Variants in ABCA12 observed in about 807,000 individuals in gnomAD.
ABCA12 encodes ATP binding cassette subfamily A member 12.
ABCA12 carries 156 observed loss-of-function variants against 293.5 expected under a neutral mutation model. That is an observed-to-expected ratio of 0.53 (90% CI 0.47 to 0.61). The LOEUF is 0.61. Among genes scored for constraint, ABCA12 ranks in the 20% least tolerant of loss-of-function variants. The probability of loss-of-function intolerance (pLI) is 0.00; values close to 1 mark genes in which losing one functional copy is unlikely to be tolerated. For missense variants in ABCA12, 2,797 were observed against 3,090.2 expected (o/e 0.91, Z 2.25); for synonymous variants, 1,063 against 1,108.0 (o/e 0.96, Z 0.81).
chr2:215,061,124 A>T (rs1458734632), intron 3 of ABCA12, among the ~76,000 whole-genome samples: 1 of 152,092 alleles, frequency 6.6e-6, no homozygotes, highest in Non-Finnish European at 1.5e-5. Flanking sequence ...AAAGGGTAAG[A>T]TCTGTGATGT....
At chr2:215,091,772 C>T (rs1313925736) in intron 2 of ABCA12, among the ~76,000 whole-genome samples, 2 of 152,200 alleles carry the variant, frequency 1.3e-5, no homozygotes, top group South Asian at 2.1e-4. Flanking sequence ...GAGAGAAACC[C>T]CAGCCATATC....
chr2:215,007,619 A>G, intron 19 of ABCA12, 108 bp downstream of exon 19: 1 of 1,392,346 alleles, frequency 7.2e-7, no homozygotes, highest in East Asian at 2.3e-5. Flanking sequence ...AGGCAATTTA[A>G]TCTGTTGAAT....
chr2:214,979,092 G>T (rs759710623), intron 31 of ABCA12, 52 bp from the exon 32 acceptor site: 1 of 1,509,662 alleles, frequency 6.6e-7, no homozygotes, highest in Non-Finnish European at 9.2e-7. Context: ...ACACTATAGT[G>T]CTCCAGGCCC....
chr2:215,106,828 G>A (rs1702472667), intron 2 of ABCA12, among the ~76,000 whole-genome samples: 1 of 152,002 alleles, frequency 6.6e-6, no homozygotes, highest in African/African-American at 2.4e-5. Context: ...ATCTGGATGG[G>A]TGCTATTTAG....
intron 1 of ABCA12, among the ~76,000 whole-genome samples, chr2:215,134,599 C>CTCTATATATA (rs1278151109): frequency 2.3e-5 from 2 of 85,252 alleles, no homozygotes; most frequent in African/African-American, 1.5e-4. Flanking sequence ...CTCTCTCTCT[C>CTCTATATATA]TATATATATA....
chr2:214,981,074 G>C (rs950390098), intron 30 of ABCA12, among the ~76,000 whole-genome samples: 2 of 145,068 alleles, frequency 1.4e-5, no homozygotes, highest in African/African-American at 5.1e-5. Context: ...TGACAGACGA[G>C]AGTCCATCTC....
intron 9 of ABCA12, among the ~76,000 whole-genome samples, chr2:215,027,214 C>T (rs1206598052): frequency 4.6e-5 from 7 of 152,002 alleles, no homozygotes; most frequent in East Asian, 3.9e-4. Flanking sequence ...GGCGTGGTGG[C>T]GGGCGCCTGT....
intron 1 of ABCA12, among the ~76,000 whole-genome samples, chr2:215,116,889 A>T (rs1702697700): frequency 6.6e-6 from 1 of 152,196 alleles, no homozygotes; most frequent in South Asian, 2.1e-4. Context: ...GTCAAGGAAA[A>T]ATTGAGAAAC....
At position 214,944,083 on chromosome 2, in the gene ABCA12, G is replaced by A. The variant is rs996877139; in HGVS notation, c.7343+918C>T. Among the ~76,000 whole-genome samples, 4 of 152,064 alleles carry A rather than the reference G, an allele frequency of 2.6e-5. No individual in the cohort carries two copies. In the East Asian group the frequency reaches 7.7e-4, roughly 29 times the overall value. On this transcript the variant is annotated intron_variant, in intron 49 of 52. Coordinates refer to ENST00000272895, the MANE Select transcript of ABCA12 (RefSeq NM_173076.3). The stretch of plus-strand genomic sequence containing the variant: ...GAGGTATGTGAGCTGGTTCTGGAAG[G>A]ACTGGTAAGATTAGAAGTTGGAGAG...
intron 42 of ABCA12, among the ~76,000 whole-genome samples, chr2:214,955,632 C>G (rs898384287): frequency 1.3e-5 from 2 of 152,154 alleles, no homozygotes; most frequent in African/African-American, 4.8e-5. Flanking sequence ...CCACTGCACT[C>G]CAGCCTGGGT....
intron 1 of ABCA12, among the ~76,000 whole-genome samples, chr2:215,131,575 G>C (rs1290020427): frequency 6.6e-6 from 1 of 151,612 alleles, no homozygotes; most frequent in Non-Finnish European, 1.5e-5. Flanking sequence ...GGTAACAGTT[G>C]TGATGTCATC....
intron 23 of ABCA12, among the ~76,000 whole-genome samples, chr2:214,991,521 A>G (rs908843579): frequency 3.3e-5 from 5 of 152,166 alleles, no homozygotes; most frequent in Non-Finnish European, 7.3e-5. Flanking sequence ...CACAATCAGT[A>G]TTGATGTTCC....
chr2:214,983,019 G>C (rs750582357), intron 29 of ABCA12, among the ~76,000 whole-genome samples: 1 of 151,956 alleles, frequency 6.6e-6, no homozygotes, highest in Admixed American at 6.6e-5. Context: ...ATGGCCATCT[G>C]GGGGGGTAGG....
intron 50 of ABCA12, among the ~76,000 whole-genome samples, chr2:214,939,458 G>C (rs573457666): frequency 6.6e-6 from 1 of 152,026 alleles, no homozygotes; most frequent in East Asian, 1.9e-4. Flanking sequence ...TCTTTTTTTG[G>C]TTCCAGATGA....
rs138215759 is a variant in ABCA12, at chr2:214,978,813, G to A, written c.4968C>T (p.Thr1656=). The A allele has an allele frequency of 1.8e-5, 29 of 1,613,866 alleles. No individual in the cohort carries two copies. The highest frequency in any genetic ancestry group is 1.2e-4 in the African/African-American group (9 of 75,036). The change falls in exon 32 of 53, where the codon ACC becomes ACT. Residue 1656 remains threonine, a synonymous_variant. Transcript: ENST00000272895. Reference sequence around the variant, plus strand: ...AAATATTGAGGTATACCTCCTCCACGGTGGTATCTGAAATGCCGTAGCACC... The same window carrying A: ...AAATATTGAGGTATACCTCCTCCACAGTGGTATCTGAAATGCCGTAGCACC... ...NIGCYGISDT[T]VEEVFLNLTK...
intron 36 of ABCA12, among the ~76,000 whole-genome samples, chr2:214,973,237 A>G (rs899959697): frequency 3.9e-5 from 6 of 152,220 alleles, no homozygotes; most frequent in African/African-American, 1.2e-4. Context: ...TTCACTGAAG[A>G]TATTTTCATT....
intron 1 of ABCA12, among the ~76,000 whole-genome samples, chr2:215,112,275 C>T (rs893386165): frequency 6.6e-6 from 1 of 150,978 alleles, no homozygotes; most frequent in Admixed American, 6.6e-5. Context: ...GTCCCATATA[C>T]TACTTAATGT....
intron 2 of ABCA12, among the ~76,000 whole-genome samples, chr2:215,101,701 T>C (rs1364847133): frequency 3.9e-5 from 6 of 152,166 alleles, no homozygotes; most frequent in Admixed American, 3.3e-4. Context: ...ACCTTCATAG[T>C]ACAAAGAGTA....
At chr2:214,955,557 C>G (rs2105933470) in intron 42 of ABCA12, among the ~76,000 whole-genome samples, 196 bp from the exon 43 acceptor site, 1 of 152,252 alleles carries the variant, frequency 6.6e-6, no homozygotes, top group South Asian at 2.1e-4. Flanking sequence ...GTGGCACGCA[C>G]CTGTAGCCCT....
Sources: allele counts gnomAD v4.1 joint callset (sites outside exome capture counted in the v4.1 genomes callset), GRCh38; gene constraint gnomAD v4.1.1; transcripts MANE v1.5; gene names NCBI Gene and HGNC (gene_info 2026-07-23, HGNC 2026-07-21).